Variants in HMGXB4 observed in about 807,000 individuals in gnomAD.
The protein encoded by HMGXB4 is HMG-box containing 4.
A neutral mutation model predicts 63.9 loss-of-function variants in HMGXB4; 27 were observed. That is an observed-to-expected ratio of 0.42 (90% confidence interval 0.31 to 0.58). The LOEUF is 0.58. HMGXB4 is among the 20% of genes least tolerant of loss of function. The pLI is 0.13. For missense variants in HMGXB4, 624 were observed against 700.7 expected, an observed-to-expected ratio of 0.89 and a Z score of 1.24; for synonymous variants, 264 against 265.3, an observed-to-expected ratio of 0.99 and a Z score of 0.05.
At chr22:35,275,110 C>CT (rs59290559) in intron 5 of HMGXB4, among the ~76,000 whole-genome samples, 2,647 of 103,448 alleles carry the variant, frequency 0.026, 189 homozygotes, top group African/African-American at 0.058. Flanking sequence ...CACCAAATTT[C>CT]TTTTTTTTTT....
At chr22:35,287,896 C>T (rs577179456) in intron 8 of HMGXB4, among the ~76,000 whole-genome samples, 14 of 151,566 alleles carry the variant, frequency 9.2e-5, no homozygotes, top group Non-Finnish European at 1.3e-4. Context: ...TGCGGTGAGC[C>T]GAGATCGTGC....
intron 9 of HMGXB4, among the ~76,000 whole-genome samples, chr22:35,290,562 C>T (rs556814458): frequency 7.8e-5 from 11 of 140,904 alleles, no homozygotes; most frequent in South Asian, 2.3e-4. Flanking sequence ...ACCCAGGAGG[C>T]GGAGCTTGCA....
At chr22:35,269,799 G>A (rs1923490318) in intron 5 of HMGXB4, among the ~76,000 whole-genome samples, 2 of 152,124 alleles carry the variant, frequency 1.3e-5, no homozygotes, top group African/African-American at 4.8e-5. Context: ...TTGAGTCCAA[G>A]AGTTCAAGGC....
At position 35,271,615 on chromosome 22, in the gene HMGXB4, C is replaced by T. The variant is rs565266215; in HGVS notation, c.1215+6012C>T. ...TAAGTTGAGGATAACAGACTTGCTTCCTAGGGTTGTGAGGATTAAATGAGG... is the reference window on the plus strand; with the variant it reads ...TAAGTTGAGGATAACAGACTTGCTTTCTAGGGTTGTGAGGATTAAATGAGG... On this transcript the variant is annotated intron_variant, in intron 5 of 10. Coordinates refer to ENST00000216106, the MANE Select transcript of HMGXB4 (RefSeq NM_001003681.3). Among the ~76,000 whole-genome samples the T allele has an allele frequency of 1.2e-3, 188 of 152,242 alleles. 1 individual carries two copies. Among genetic ancestry groups the T allele is most frequent in the African/African-American group, 4.4e-3 (183 of 41,544 alleles).
intron 7 of HMGXB4, among the ~76,000 whole-genome samples, chr22:35,286,618 G>A (rs1420279176): frequency 6.6e-6 from 1 of 152,168 alleles, no homozygotes; most frequent in Admixed American, 6.5e-5. Flanking sequence ...GGGAGGCTGA[G>A]GCGGTGGATC....
chr22:35,253,132 CAA>C (rs554912249), upstream of HMGXB4, among the ~76,000 whole-genome samples: 6 of 96,558 alleles, frequency 6.2e-5, no homozygotes, highest in African/African-American at 5.2e-5. Flanking sequence ...AACTCCATCT[CAA>C]AAAAAAAAAA....
At chr22:35,261,824 A>G (rs767472432) in intron 1 of HMGXB4, 2 of 153,982 alleles carry the variant, frequency 1.3e-5, no homozygotes, top group East Asian at 1.9e-4. Context: ...TAACATCCCT[A>G]TACAGTTAAT....
At chr22:35,244,994 T>C in the HMGXB4 span, among the ~76,000 whole-genome samples, 2 of 152,186 alleles carry the variant, frequency 1.3e-5, no homozygotes, top group African/African-American at 4.8e-5. Flanking sequence ...TGCCTCAGCC[T>C]CCCGAGTAGC....
At chr22:35,248,109 G>GTATCTAAACA in the HMGXB4 span, among the ~76,000 whole-genome samples, 1 of 152,070 alleles carries the variant, frequency 6.6e-6, no homozygotes, top group South Asian at 2.1e-4. Context: ...CAATTGTATT[G>GTATCTAAACA]TATCTAAACA....
intron 4 of HMGXB4, 145 bp from the exon 5 acceptor site, chr22:35,264,503 A>G: frequency 3.1e-6 from 2 of 644,334 alleles, no homozygotes; most frequent in Non-Finnish European, 2.7e-6. Flanking sequence ...TCATTTCTCA[A>G]TGTTAGGAAT....
At chr22:35,284,707 T>C (rs1028066331) in intron 6 of HMGXB4, among the ~76,000 whole-genome samples, 2 of 152,238 alleles carry the variant, frequency 1.3e-5, no homozygotes, top group Admixed American at 1.3e-4. Context: ...TGCTTTTGCA[T>C]CCTTATAAAG....
chr22:35,293,163 T>A (rs199862663), intron 10 of HMGXB4, 49 bp downstream of exon 10: 1 of 1,607,008 alleles, frequency 6.2e-7, no homozygotes, highest in African/African-American at 1.3e-5. Flanking sequence ...GCGTCAGAGA[T>A]GCCCTGCCTT....
rs574340435 is a variant in HMGXB4, at chr22:35,257,536, G to C, written c.-90G>C. ...GCGGCGATCGGCGGCGTTGAGGCGG[G>C]ATCCGGGCGAGCCGAGTGAAGGTAG... On this transcript the variant is annotated 5_prime_UTR_variant, in exon 1 of 11. Transcript: ENST00000216106. 5.2e-4 allele frequency: 79 copies of C among 153,000 alleles called. No individual in the cohort carries two copies. The highest frequency in any genetic ancestry group is 1.8e-3 in the African/African-American group (75 of 41,604). The allele number at this position is 153,000 out of a possible 1,614,324, so 9.5% of individuals were successfully genotyped here.
In HMGXB4 at chr22:35,294,050, C is replaced by A. The variant is rs150512794; in HGVS notation, c.*399C>A. The A allele has an allele frequency of 6.5e-6, 1 of 154,142 alleles. No homozygotes were observed. The highest frequency in any genetic ancestry group is 1.4e-5 in the Non-Finnish European group (1 of 69,236). 9.5% of individuals were successfully genotyped at this position (154,142 alleles called of 1,614,324 possible). A position where few individuals can be genotyped will look rare whatever the true frequency, so the allele number is the denominator to read the frequency against. On this transcript the variant is annotated 3_prime_UTR_variant, in exon 11 of 11. Transcript: ENST00000216106. The stretch of plus-strand genomic sequence containing the variant: ...GTTGGACCTCCAGACCCATCACTGA[C>A]CATTTGCCTTACCTGTCTTAGTCTG...
At chr22:35,281,325 T>G (rs945019198) in intron 5 of HMGXB4, among the ~76,000 whole-genome samples, 1 of 152,240 alleles carries the variant, frequency 6.6e-6, no homozygotes, top group African/African-American at 2.4e-5. Context: ...GAATTAGATC[T>G]AGGCTTCAAA....
chr22:35,292,732 A>G (rs1458357054), intron 9 of HMGXB4, among the ~76,000 whole-genome samples: 3 of 152,238 alleles, frequency 2.0e-5, no homozygotes, highest in South Asian at 2.1e-4. Context: ...AGGAGACAGA[A>G]GTTAAGGATG....
intron 5 of HMGXB4, among the ~76,000 whole-genome samples, chr22:35,267,218 A>C (rs886203253): frequency 1.3e-5 from 2 of 150,688 alleles, no homozygotes; most frequent in Non-Finnish European, 3.0e-5. Context: ...CAAAAAAACC[A>C]CAAAGCTGTA....
intron 10 of HMGXB4, among the ~76,000 whole-genome samples, 181 bp downstream of exon 10, chr22:35,293,295 C>A (rs1253582715): frequency 1.3e-5 from 2 of 152,194 alleles, no homozygotes; most frequent in Non-Finnish European, 2.9e-5. Flanking sequence ...AACTAGAAAA[C>A]AAGCCATTTA....
intron 8 of HMGXB4, 49 bp from the exon 9 acceptor site, chr22:35,288,189 C>G (rs1456956405): frequency 5.1e-6 from 7 of 1,380,102 alleles, no homozygotes; most frequent in South Asian, 1.9e-5. Context: ...TTGTGTTGTT[C>G]AAGGCTGTAG....
Sources: gnomAD v4.1 joint callset for allele counts (sites outside exome capture counted in the v4.1 genomes callset) on GRCh38, gnomAD v4.1.1 for gene constraint, MANE v1.5 for transcripts, NCBI Gene and HGNC (gene_info 2026-07-23, HGNC 2026-07-21) for gene names.